The following LIPC variants were observed in gnomAD, a reference collection of about 807,000 sequenced individuals.
LIPC encodes the protein lipase C, hepatic type, also known as hepatic triacylglycerol lipase.
LIPC carries 44 observed loss-of-function variants against 50.7 expected under a neutral mutation model. That is an observed-to-expected ratio of 0.87 (90% CI 0.68 to 1.11). The LOEUF (loss-of-function observed/expected upper bound fraction) is 1.11, where lower values mean the gene tolerates loss of function less well. Among genes scored for constraint, LIPC ranks in the 50% most tolerant of loss-of-function variants. LIPC has a pLI of 0.00. For synonymous variants in LIPC, 271 were observed against 256.4 expected (o/e 1.06, Z -0.54); for missense variants, 697 against 648.2 (o/e 1.08, Z -0.82).
intron 1 of LIPC, among the ~76,000 whole-genome samples, chr15:58,514,678 G>A (rs1297518344): frequency 6.6e-6 from 1 of 152,082 alleles, no homozygotes; most frequent in Non-Finnish European, 1.5e-5. Context: ...ACAAAAATTA[G>A]CCAGGCATGG....
intron 1 of LIPC, among the ~76,000 whole-genome samples, chr15:58,500,494 A>G (rs891541720): frequency 6.6e-6 from 1 of 152,306 alleles, no homozygotes; most frequent in East Asian, 1.9e-4. Flanking sequence ...TGAGGCTGTC[A>G]CCTTCCTTTT....
chr15:58,487,846 T>C (rs565188981), intron 1 of LIPC, among the ~76,000 whole-genome samples: 1 of 152,298 alleles, frequency 6.6e-6, no homozygotes, highest in Admixed American at 6.5e-5. Context: ...GGATAGATCA[T>C]GAAATCCTGT....
intron 1 of LIPC, among the ~76,000 whole-genome samples, chr15:58,515,535 T>C (rs3985728): frequency 9.7e-3 from 115 of 11,796 alleles, no homozygotes; most frequent in Non-Finnish European, 0.018. Flanking sequence ...TACACACACA[T>C]ATATATATAT....
At chr15:58,553,809 G>A (rs1453543031) in intron 6 of LIPC, among the ~76,000 whole-genome samples, 2 of 152,046 alleles carry the variant, frequency 1.3e-5, no homozygotes, top group Non-Finnish European at 2.9e-5. Context: ...CAGCCTTGCC[G>A]GCACTGGCTG....
chr15:58,462,612 T>A (rs1223516393), intron 1 of LIPC, among the ~76,000 whole-genome samples: 1 of 152,148 alleles, frequency 6.6e-6, no homozygotes, highest in Admixed American at 6.5e-5. Context: ...TCCACTTAGA[T>A]AAATTAATCC....
intron 8 of LIPC, chr15:58,563,991 C>G (rs1451160894): frequency 1.4e-4 from 69 of 497,570 alleles, no homozygotes; most frequent in Non-Finnish European, 2.0e-4. Flanking sequence ...AGCCTGAGGA[C>G]CATCACACGA....
chr15:58,563,927 T>C, intron 8 of LIPC: 1 of 613,314 alleles, frequency 1.6e-6, no homozygotes, highest in Admixed American at 2.2e-5. Context: ...CCCAGGTCTT[T>C]GAATACACAC....
At chr15:58,562,250 C>T (rs1253073413) in intron 7 of LIPC, among the ~76,000 whole-genome samples, 6 of 152,216 alleles carry the variant, frequency 3.9e-5, no homozygotes, top group African/African-American at 1.2e-4. Flanking sequence ...CTCCCACCAA[C>T]TGCTCAATGT....
intron 1 of LIPC, among the ~76,000 whole-genome samples, chr15:58,460,827 T>C (rs1894319843): frequency 6.6e-6 from 1 of 152,222 alleles, no homozygotes; most frequent in Admixed American, 6.5e-5. Context: ...GGAACAGACT[T>C]CCTTGGCAGG....
At chr15:58,532,463 G>C (rs1892987663) in intron 1 of LIPC, among the ~76,000 whole-genome samples, 1 of 152,164 alleles carries the variant, frequency 6.6e-6, no homozygotes, top group Admixed American at 6.6e-5. Context: ...GTCTTCCAGA[G>C]GACCCTTGCC....
intron 1 of LIPC, among the ~76,000 whole-genome samples, chr15:58,474,279 G>A (rs1410027174): frequency 4.6e-5 from 7 of 152,184 alleles, no homozygotes; most frequent in East Asian, 1.9e-4. Context: ...ACACTTTGGG[G>A]GCCCAAGCAG....
intron 1 of LIPC, among the ~76,000 whole-genome samples, chr15:58,495,224 T>C (rs1487963537): frequency 1.3e-5 from 2 of 152,246 alleles, no homozygotes; most frequent in Non-Finnish European, 2.9e-5. Flanking sequence ...GTCACTTCAC[T>C]GCTCTGAGCG....
intron 1 of LIPC, among the ~76,000 whole-genome samples, chr15:58,505,988 G>C (rs943527452): frequency 1.3e-5 from 2 of 152,160 alleles, no homozygotes; most frequent in African/African-American, 4.8e-5. Context: ...TTGGATAGAG[G>C]AATTCCACTG....
intron 1 of LIPC, among the ~76,000 whole-genome samples, chr15:58,473,066 C>G (rs951441743): frequency 6.6e-6 from 1 of 152,118 alleles, no homozygotes; most frequent in East Asian, 1.9e-4. Context: ...AGGGGGAGGA[C>G]GGCAGCCAGA....
intron 5 of LIPC, among the ~76,000 whole-genome samples, chr15:58,547,755 T>C (rs1893587731): frequency 6.6e-6 from 1 of 152,154 alleles, no homozygotes; most frequent in Non-Finnish European, 1.5e-5. Flanking sequence ...TGTGCTGGTT[T>C]CACAGGCCTG....
chr15:58,547,486 A>G (rs1893576929), intron 5 of LIPC, among the ~76,000 whole-genome samples: 1 of 152,216 alleles, frequency 6.6e-6, no homozygotes, highest in African/African-American at 2.4e-5. Context: ...TAATCTTGGC[A>G]TTTAGCCTCC....
At chr15:58,547,168 A>G (rs1453019202) in intron 5 of LIPC, among the ~76,000 whole-genome samples, 1 of 152,168 alleles carries the variant, frequency 6.6e-6, no homozygotes, top group African/African-American at 2.4e-5. Flanking sequence ...AGCTTGCCCA[A>G]GCTTGGGCTG....
intron 2 of LIPC, among the ~76,000 whole-genome samples, chr15:58,540,796 T>C (rs769106974): frequency 6.6e-6 from 1 of 152,092 alleles, no homozygotes; most frequent in Admixed American, 6.6e-5. Flanking sequence ...ACCTGTATTC[T>C]TTTTGTTTCT....
chr15:58,495,099 C>T (rs1393148501), intron 1 of LIPC, among the ~76,000 whole-genome samples: 1 of 152,220 alleles, frequency 6.6e-6, no homozygotes, highest in African/African-American at 2.4e-5. Flanking sequence ...ACCAGGGAAT[C>T]TCTCTTTCTA....
Sources: allele counts gnomAD v4.1 joint callset (sites outside exome capture counted in the v4.1 genomes callset), GRCh38; gene constraint gnomAD v4.1.1; transcripts MANE v1.5; gene names NCBI Gene and HGNC (gene_info 2026-07-23, HGNC 2026-07-21).